LYPD6: variants seen among roughly 807,000 people sequenced by gnomAD.
LYPD6 encodes ly6/PLAUR domain-containing protein 6.
In LYPD6, 15 loss-of-function variants were observed where a neutral mutation model predicts 22.7. The ratio of observed to expected loss-of-function variants is 0.66; its 90% CI spans 0.44 to 1.02. The LOEUF (loss-of-function observed/expected upper bound fraction) is 1.02. Among genes scored for constraint, LYPD6 ranks in the 50% least tolerant of loss-of-function variants. The pLI is 0.00. For missense variants in LYPD6, 189 were observed against 208.4 expected, an observed-to-expected ratio of 0.91 and a Z score of 0.57; for synonymous variants, 72 against 77.5, an observed-to-expected ratio of 0.93 and a Z score of 0.37.
downstream of LYPD6, among the ~76,000 whole-genome samples, chr2:149,474,617 T>C (rs1032685709): frequency 2.6e-5 from 4 of 152,228 alleles, no homozygotes; most frequent in African/African-American, 4.8e-5. Context: ...CTGATGCTCC[T>C]TAAAGTGTGG....
At chr2:149,485,765 C>T in the LYPD6 span, among the ~76,000 whole-genome samples, 1 of 152,072 alleles carries the variant, frequency 6.6e-6, no homozygotes, top group Non-Finnish European at 1.5e-5. Flanking sequence ...CCCTAATGGC[C>T]CTGTCAGAAA....
chr2:149,449,056 A>G lies in LYPD6; in HGVS notation c.126A>G (p.Pro42=). ...CTTAATCCTTTTTTTTAGCCACACC[A>G]TATCCTGGTGGATTTAAATGTTTCA... ...DIIYLHPSTT[P]YPGGFKCFTC... is the part of the protein sequence containing the mutation. Residue 42 remains proline (P), a synonymous_variant, in exon 3 of 5, where the codon CCA becomes CCG. Coordinates refer to ENST00000334166, the MANE Select transcript of LYPD6 (RefSeq NM_194317.5). 1 of 1,612,396 alleles carries G rather than the reference A, an allele frequency of 6.2e-7. No homozygotes were observed. The highest frequency in any genetic ancestry group is 1.1e-5 in the South Asian group (1 of 90,830).
chr2:149,408,909 T>C lies in LYPD6; in HGVS notation c.-71-28729T>C, dbSNP rs561993371. Among the ~76,000 whole-genome samples, 13 of 152,384 alleles carry C rather than the reference T, an allele frequency of 8.5e-5. No homozygotes were observed. The South Asian group carries it at 2.7e-3, about 32-fold the overall frequency. On this transcript the variant is annotated intron_variant, in intron 1 of 4. Coordinates refer to ENST00000334166, the MANE Select transcript of LYPD6 (RefSeq NM_194317.5). ...TCGACTTTCTGAATTCTTTTTCTGGTAATTCAGAGATTTTGTCTTGTTTTG... is the reference window on the plus strand; with the variant it reads ...TCGACTTTCTGAATTCTTTTTCTGGCAATTCAGAGATTTTGTCTTGTTTTG...
intron 1 of LYPD6, among the ~76,000 whole-genome samples, chr2:149,353,625 G>T (rs1681398794): frequency 6.6e-6 from 1 of 152,054 alleles, no homozygotes; most frequent in Non-Finnish European, 1.5e-5. Context: ...GGCAACTCTA[G>T]AATTTTCACA....
intron 1 of LYPD6, among the ~76,000 whole-genome samples, chr2:149,341,383 CGTATACCT>C (rs1296737054): frequency 6.6e-6 from 1 of 152,078 alleles, no homozygotes; most frequent in Non-Finnish European, 1.5e-5. Context: ...TGCTCTTTTA[CGTATACCT>C]GTATTTTGTA....
At chr2:149,372,928 G>T (rs767920379) in intron 1 of LYPD6, among the ~76,000 whole-genome samples, 1 of 152,168 alleles carries the variant, frequency 6.6e-6, no homozygotes, top group Non-Finnish European at 1.5e-5. Context: ...AAGATTGCAG[G>T]CTTCATTACA....
chr2:149,458,623 A>T (rs1681019935), intron 3 of LYPD6, among the ~76,000 whole-genome samples: 1 of 152,238 alleles, frequency 6.6e-6, no homozygotes, highest in African/African-American at 2.4e-5. Flanking sequence ...ATAAATACAG[A>T]TGTTAGAATT....
intron 1 of LYPD6, among the ~76,000 whole-genome samples, chr2:149,366,198 T>C (rs932434052): frequency 4.6e-5 from 7 of 152,244 alleles, no homozygotes; most frequent in Admixed American, 6.5e-5. Context: ...TTATTAAATG[T>C]GAGCTTTGTA....
rs1425564495 is a variant in LYPD6, at chr2:149,438,730, T to C, written c.118+904T>C. ...ATAGTCTACAAAGTGAAGGCAGCCA[T>C]GTGGACTCCTTCAATCCACGTGGTT... On this transcript the variant is annotated intron_variant, in intron 2 of 4. Transcript: ENST00000334166. Among the ~76,000 whole-genome samples the C allele has an allele frequency of 4.6e-5, 7 of 152,370 alleles. No individual in the cohort carries two copies. The South Asian group carries it at 1.0e-3, about 23-fold the overall frequency.
chr2:149,470,944 G>C lies in LYPD6; in HGVS notation c.*94G>C. 1 of 1,154,634 alleles carries C rather than the reference G, an allele frequency of 8.7e-7. No homozygotes were observed. The highest frequency in any genetic ancestry group is 1.3e-6 in the Non-Finnish European group (1 of 797,388). 71.5% of individuals were successfully genotyped at this position (1,154,634 alleles called of 1,614,324 possible). On this transcript the variant is annotated 3_prime_UTR_variant, in exon 5 of 5. Transcript: ENST00000334166. Reference sequence around the variant, plus strand: ...CATTGGCCTGACAGTAATTACACATGTGAGACACAACACTCTTGGAGGTCA... The same window carrying C: ...CATTGGCCTGACAGTAATTACACATCTGAGACACAACACTCTTGGAGGTCA...
At chr2:149,389,210 A>G (rs1682254425) in intron 1 of LYPD6, among the ~76,000 whole-genome samples, 1 of 152,084 alleles carries the variant, frequency 6.6e-6, no homozygotes, top group South Asian at 2.1e-4. Context: ...TAATCTCCCT[A>G]ACGTTTTCCT....
At position 149,458,355 on chromosome 2, in the gene LYPD6, T is replaced by C. The variant is rs369692238; in HGVS notation, c.217+9208T>C. 1.4e-4 allele frequency among the ~76,000 whole-genome samples: 21 copies of C among 152,182 alleles called. 1 individual carries two copies. Among genetic ancestry groups the C allele is most frequent in the East Asian group, 3.9e-4 (2 of 5,194 alleles). On this transcript the variant is annotated intron_variant, in intron 3 of 4. Transcript: ENST00000334166. Reference sequence around the variant, plus strand: ...CAAGGTTGTGTCAAAGGAGGCTTAATGGAGAGTCAAGACTTCACCCTTCAC... The same window carrying C: ...CAAGGTTGTGTCAAAGGAGGCTTAACGGAGAGTCAAGACTTCACCCTTCAC...
intron 1 of LYPD6, among the ~76,000 whole-genome samples, chr2:149,358,013 T>C (rs1681479853): frequency 6.6e-6 from 1 of 152,192 alleles, no homozygotes; most frequent in Non-Finnish European, 1.5e-5. Flanking sequence ...CTTGATCTCC[T>C]GACCTCAGGT....
intron 1 of LYPD6, among the ~76,000 whole-genome samples, chr2:149,373,457 A>G (rs1681854540): frequency 6.6e-6 from 1 of 152,140 alleles, no homozygotes; most frequent in Non-Finnish European, 1.5e-5. Context: ...TGTCCTGAGA[A>G]ATTGCCACAT....
intron 1 of LYPD6, among the ~76,000 whole-genome samples, chr2:149,393,472 T>G (rs554680615): frequency 6.6e-6 from 1 of 152,308 alleles, no homozygotes; most frequent in Admixed American, 6.5e-5. Context: ...TGAAAGTAAA[T>G]AGCCTCATAG....
At chr2:149,368,225 A>G (rs560525491) in intron 1 of LYPD6, 1 of 152,434 alleles carries the variant, frequency 6.6e-6, no homozygotes, top group African/African-American at 2.4e-5. Context: ...AATTAGTTGG[A>G]CTTAACCTTT....
intron 1 of LYPD6, among the ~76,000 whole-genome samples, chr2:149,386,067 A>G (rs775550262): frequency 1.3e-5 from 2 of 152,186 alleles, no homozygotes; most frequent in Non-Finnish European, 2.9e-5. Context: ...AATTTCCTTA[A>G]AACTTAATCC....
intron 1 of LYPD6, among the ~76,000 whole-genome samples, chr2:149,432,447 G>C (rs541231496): frequency 6.6e-6 from 1 of 152,254 alleles, no homozygotes; most frequent in South Asian, 2.1e-4. Context: ...CCTGATCAGA[G>C]GTCCGTCCAC....
intron 1 of LYPD6, among the ~76,000 whole-genome samples, chr2:149,348,724 A>G (rs1192050358): frequency 6.6e-6 from 1 of 152,248 alleles, no homozygotes; most frequent in African/African-American, 2.4e-5. Context: ...GGGAGCCATT[A>G]GAAAATTCTG....
Sources: allele counts gnomAD v4.1 joint callset (sites outside exome capture counted in the v4.1 genomes callset), GRCh38; gene constraint gnomAD v4.1.1; transcripts MANE v1.5; gene names NCBI Gene and HGNC (gene_info 2026-07-23, HGNC 2026-07-21).